KRT72: variants seen among roughly 807,000 people sequenced by gnomAD.
KRT72 encodes keratin, type II cytoskeletal 72.
Under a neutral mutation model 44.7 loss-of-function variants are expected in KRT72, and 44 were observed. The observed-to-expected ratio is 0.98, with a 90% CI of 0.77 to 1.27. The LOEUF (loss-of-function observed/expected upper bound fraction) is 1.27. Among genes scored for constraint, KRT72 ranks in the 50% most tolerant of loss-of-function variants. KRT72 has a pLI of 0.00. For missense variants in KRT72, 736 were observed against 667.1 expected (o/e 1.10, Z -1.14); for synonymous variants, 302 against 280.4 (o/e 1.08, Z -0.77).
At chr12:52,593,652 G>A (rs1187562006) in intron 2 of KRT72, among the ~76,000 whole-genome samples, 1 of 151,204 alleles carries the variant, frequency 6.6e-6, no homozygotes, top group Admixed American at 6.6e-5. Flanking sequence ...AAAATGTGGT[G>A]TATACATACA....
At chr12:52,596,847 T>C (rs1391853397) in intron 2 of KRT72, among the ~76,000 whole-genome samples, 2 of 152,160 alleles carry the variant, frequency 1.3e-5, no homozygotes, top group East Asian at 3.8e-4. Flanking sequence ...AAGTAAACTT[T>C]CTAAGGTTTC....
At chr12:52,590,799 A>G (rs374278002) in intron 6 of KRT72, 37 bp downstream of exon 6, 243 of 1,546,928 alleles carry the variant, frequency 1.6e-4, no homozygotes, top group Non-Finnish European at 2.0e-4. Context: ...TTGTGACTCA[A>G]TAAATACTGT....
At chr12:52,591,653 C>T (rs1940034284) in intron 4 of KRT72, 25 bp from the exon 5 acceptor site, 4 of 1,590,812 alleles carry the variant, frequency 2.5e-6, no homozygotes, top group South Asian at 1.1e-5. Flanking sequence ...GGGAGGGGAG[C>T]TAGTTAAGGG....
intron 1 of KRT72, among the ~76,000 whole-genome samples, chr12:52,599,628 C>CCA (rs1940344001): frequency 1.3e-5 from 2 of 152,290 alleles, no homozygotes; most frequent in Admixed American, 1.3e-4. Context: ...AAGCCCTCTG[C>CCA]CACACACCAG....
chr12:52,585,972 C>A lies in KRT72; in HGVS notation c.*10G>T, dbSNP rs1478369847. 13 of 1,609,190 alleles carry A rather than the reference C, an allele frequency of 8.1e-6. 1 individual carries two copies. In the Admixed American group the frequency reaches 1.2e-4, roughly 14 times the overall value. On this transcript the variant is annotated 3_prime_UTR_variant, in exon 9 of 9. Transcript: ENST00000293745. ...GAAGCCTTCTGCTCACAGAGCCAACCACTTGTCCATCATCTGGAGGCCTTT... is the reference window on the plus strand; with the variant it reads ...GAAGCCTTCTGCTCACAGAGCCAACAACTTGTCCATCATCTGGAGGCCTTT...
intron 7 of KRT72, 79 bp from the exon 8 acceptor site, chr12:52,587,059 G>T (rs1939787355): frequency 3.0e-6 from 4 of 1,336,462 alleles, no homozygotes; most frequent in Non-Finnish European, 4.3e-6. Flanking sequence ...CTGTGAATAA[G>T]CCTCTCCACG....
rs532136578 is a variant in KRT72 at position 52,601,296 on chromosome 12, C to T, written c.157G>A (p.Gly53Arg). The T allele has an allele frequency of 1.3e-6, 2 of 1,549,374 alleles. No homozygotes were observed. The highest frequency in any genetic ancestry group is 2.7e-5 in the African/African-American group (2 of 73,204). Residue 53 changes from glycine to arginine, a missense_variant, in exon 1 of 9, where the codon GGG (glycine) becomes AGG (arginine). By Grantham distance (125) the Gly-to-Arg change is moderately radical. Coordinates refer to ENST00000293745, the MANE Select transcript of KRT72 (RefSeq NM_080747.3). ...SFGSKSLSCLGGSRSLALSAA... is the reference protein window; with the variant it reads ...SFGSKSLSCLRGSRSLALSAA... The stretch of plus-strand genomic sequence containing the variant: ...CTGAGCGCCAGGCTTCGGCTGCCCC[C>T]AAGGCAGGAGAGGCTCTTGCTGCCA...
chr12:52,587,014 C>G, intron 7 of KRT72, 34 bp from the exon 8 acceptor site: 1 of 1,604,960 alleles, frequency 6.2e-7, no homozygotes. Context: ...GTAAATCCCC[C>G]ATAAATAATC....
Position 52,601,352 on chromosome 12 carries a change from A to G in KRT72, c.101T>C (p.Phe34Ser). Residue 34 changes from phenylalanine to serine, a missense_variant, in exon 1 of 9, where the codon TTC becomes TCC. Transcript: ENST00000293745. ...GGCCGAGCCCTTGACCCGGGCCCGGAATGAGGCGGAGCTGCTGCCGATCCC... is the reference window on the plus strand; with the variant it reads ...GGCCGAGCCCTTGACCCGGGCCCGGGATGAGGCGGAGCTGCTGCCGATCCC... ...SGGIGSSSAS[F>S]RARVKGSASF... 2 of 1,544,238 alleles carry G rather than the reference A, an allele frequency of 1.3e-6. No homozygotes were observed. The highest frequency in any genetic ancestry group is 8.7e-7 in the Non-Finnish European group (1 of 1,146,768).
rs7308017 is a variant in KRT72 at position 52,599,135 on chromosome 12, G to A, written c.427-23C>T. On this transcript the variant is annotated intron_variant, in intron 1 of 8. Transcript: ENST00000293745. ...CACCTGGAACCCAAAGGCAGTCATC[G>A]CCCAGAGTCCCCATGTTGTTGCCTC... is the stretch of plus-strand genomic sequence containing the variant. 25,615 of 1,611,014 alleles carry A rather than the reference G, an allele frequency of 0.016. 1,795 individuals are homozygous for A. The Admixed American group carries it at 0.2, about 12-fold the overall frequency.
intron 2 of KRT72, among the ~76,000 whole-genome samples, chr12:52,594,628 C>T (rs905602210): frequency 6.6e-6 from 1 of 152,022 alleles, no homozygotes; most frequent in African/African-American, 2.4e-5. Context: ...GGAGGGATAG[C>T]ATTGGGAGAA....
chr12:52,598,777 T>C, intron 2 of KRT72, 121 bp downstream of exon 2: 3 of 801,810 alleles, frequency 3.7e-6, no homozygotes, highest in Non-Finnish European at 6.4e-6. Context: ...TTCCATTCTG[T>C]CTGGATGTTC....
In KRT72 at chr12:52,598,889, C is replaced by T. The variant is rs768784477; in HGVS notation, c.641+9G>A. On this transcript the variant is annotated intron_variant, in intron 2 of 8. Coordinates refer to ENST00000293745, the MANE Select transcript of KRT72 (RefSeq NM_080747.3). ...TCCTCCAGGGCCATATTCCCTGCCA[C>T]TCACTCACCTCTTCTTGTAGTCCTC... 6.2e-7 allele frequency: 1 copy of T among 1,613,076 alleles called. No homozygotes were observed. The highest frequency in any genetic ancestry group is 8.5e-7 in the Non-Finnish European group (1 of 1,179,130).
intron 8 of KRT72, among the ~76,000 whole-genome samples, chr12:52,586,424 A>G (rs612748): frequency 0.82 from 125,160 of 152,246 alleles, 52,264 homozygotes; most frequent in East Asian, 0.99. Flanking sequence ...CCCATGGGCA[A>G]GACCAAATGA....
Position 52,591,448 on chromosome 12 carries a change from C to G in KRT72, c.963+16G>C. 6.2e-7 allele frequency: 1 copy of G among 1,610,874 alleles called. No individual in the cohort carries two copies. The highest frequency in any genetic ancestry group is 1.1e-5 in the South Asian group (1 of 90,772). On this transcript the variant is annotated intron_variant, in intron 5 of 8. Transcript: ENST00000293745. ...GCTGTGGCCAGTGGGACTCAGCACA[C>G]CTGGCACCAGCTCACCTTGGTCTGG...
At chr12:52,599,209 G>T (rs1247227241) in intron 1 of KRT72, 97 bp from the exon 2 acceptor site, 13 of 1,159,824 alleles carry the variant, frequency 1.1e-5, no homozygotes, top group East Asian at 2.4e-5. Flanking sequence ...CATCCTGGGG[G>T]ACTGGGGGTA....
chr12:52,599,982 C>A (rs1192337446), intron 1 of KRT72, among the ~76,000 whole-genome samples: 1 of 152,108 alleles, frequency 6.6e-6, no homozygotes, highest in African/African-American at 2.4e-5. Context: ...TCAGGCTGTC[C>A]CCTTATCACT....
chr12:52,591,159 A>G (rs566603510), intron 5 of KRT72, among the ~76,000 whole-genome samples, 198 bp from the exon 6 acceptor site: 4 of 152,204 alleles, frequency 2.6e-5, no homozygotes, highest in African/African-American at 9.7e-5. Context: ...AATATATGTG[A>G]ATTACCCATA....
rs775789816 is a variant in KRT72, at chr12:52,599,074, G to T, written c.465C>A (p.Thr155=). ...FLEQQNQVLE[T]KWNLLQQLDL... is the part of the protein sequence containing the mutation. ...CCAGCTGCTGTAGGAGGTTCCACTT[G>T]GTCTCTAGCACCTGATTCTGCTGCT... The change falls in exon 2 of 9, where the codon ACC becomes ACA. Residue 155 remains threonine (T), a synonymous_variant. Coordinates refer to ENST00000293745, the MANE Select transcript of KRT72 (RefSeq NM_080747.3). The T allele has an allele frequency of 1.2e-6, 2 of 1,614,010 alleles. No individual in the cohort carries two copies. Among genetic ancestry groups the T allele is most frequent in the African/African-American group, 1.3e-5 (1 of 74,916 alleles).
Sources: allele counts gnomAD v4.1 joint callset (sites outside exome capture counted in the v4.1 genomes callset), GRCh38; gene constraint gnomAD v4.1.1; transcripts MANE v1.5; gene names NCBI Gene and HGNC (gene_info 2026-07-23, HGNC 2026-07-21).